The following BMPR1A variants were observed in gnomAD, a reference collection of about 807,000 sequenced individuals.
BMPR1A encodes bone morphogenetic protein receptor type-1A.
A neutral mutation model predicts 66.0 loss-of-function variants in BMPR1A; 7 were observed. That is an observed-to-expected ratio of 0.11 (90% CI 0.06 to 0.20). BMPR1A has a LOEUF of 0.20. Among genes scored for constraint, BMPR1A ranks in the 10% least tolerant of loss-of-function variants. The pLI is 1.00. For synonymous variants in BMPR1A, 200 were observed against 229.7 expected (o/e 0.87, Z 1.17); for missense variants, 408 against 669.1 (o/e 0.61, Z 4.31).
rs1405566388 is a variant in BMPR1A at position 86,896,432 on chromosome 10, GAC to G, written c.334-3360_334-3359del. On this transcript the variant is annotated intron_variant, in intron 5 of 12. Transcript: ENST00000372037. ...CTAGAATAATTTTCTAAGACTTAAA[GAC>G]ATACAGTTATAGGAAATAAAAGAAT... is the stretch of plus-strand genomic sequence containing the variant. Among the ~76,000 whole-genome samples the G allele has an allele frequency of 1.3e-5, 2 of 152,058 alleles. 1 individual carries two copies. Among genetic ancestry groups the G allele is most frequent in the Admixed American group, 1.3e-4 (2 of 15,270 alleles).
At chr10:86,779,539 C>T (rs997268016) in intron 1 of BMPR1A, among the ~76,000 whole-genome samples, 5 of 151,988 alleles carry the variant, frequency 3.3e-5, no homozygotes, top group African/African-American at 9.7e-5. Flanking sequence ...TGATAATAGC[C>T]GTTTTAACTG....
At chr10:86,885,063 T>G (rs780128020) in intron 3 of BMPR1A, among the ~76,000 whole-genome samples, 3 of 152,242 alleles carry the variant, frequency 2.0e-5, no homozygotes, top group Non-Finnish European at 2.9e-5. Flanking sequence ...TTCTTCTCCC[T>G]TTGATTTTCC....
chr10:86,829,780 C>T (rs1842243372), intron 1 of BMPR1A, among the ~76,000 whole-genome samples: 1 of 152,152 alleles, frequency 6.6e-6, no homozygotes, highest in East Asian at 1.9e-4. Context: ...AATAGGATTC[C>T]ATGGTTTGTT....
chr10:86,855,279 A>T, intron 2 of BMPR1A: 2 of 1,086,636 alleles, frequency 1.8e-6, no homozygotes, highest in Admixed American at 2.9e-5. Context: ...CAAAAACCTC[A>T]GTTTCTTCTG....
chr10:86,765,127 A>G lies in BMPR1A; in HGVS notation c.-268+8208A>G, dbSNP rs144831396. 6.6e-5 allele frequency among the ~76,000 whole-genome samples: 10 copies of G among 152,256 alleles called. No individual in the cohort carries two copies. In the East Asian group the frequency reaches 1.7e-3, roughly 26 times the overall value. On this transcript the variant is annotated intron_variant, in intron 1 of 12. Coordinates refer to ENST00000372037, the MANE Select transcript of BMPR1A (RefSeq NM_004329.3). ...TAGAAAGTTTAAAATTACACGTCAT[A>G]TTGGACAGTACTGCCTTTGACTTTC...
chr10:86,861,628 C>T (rs988239434), intron 2 of BMPR1A, among the ~76,000 whole-genome samples: 9 of 152,196 alleles, frequency 5.9e-5, no homozygotes, highest in African/African-American at 1.4e-4. Flanking sequence ...CTTGGTATAA[C>T]ATGTGGTACT....
Position 86,925,721 on chromosome 10 carries a change from CTTT to C in BMPR1A, c.*2017_*2019del, listed in dbSNP as rs11450437. On this transcript the variant is annotated 3_prime_UTR_variant, in exon 13 of 13. Coordinates refer to ENST00000372037, the MANE Select transcript of BMPR1A (RefSeq NM_004329.3). The stretch of plus-strand genomic sequence containing the variant: ...CATAATCTTTAAAATCATTTGTCAT[CTTT>C]TTTTTTTTTTTTTTGAGACGGAGTC... 5.3e-4 allele frequency: 62 copies of C among 117,012 alleles called. No homozygotes were observed. The highest frequency in any genetic ancestry group is 3.3e-3 in the Middle Eastern group (1 of 300). 7.2% of individuals were successfully genotyped at this position (117,012 alleles called of 1,614,324 possible). A position where few individuals can be genotyped will look rare whatever the true frequency, so the allele number is the denominator to read the frequency against.
At chr10:86,895,320 C>A (rs755871722) in intron 5 of BMPR1A, among the ~76,000 whole-genome samples, 5 of 151,160 alleles carry the variant, frequency 3.3e-5, no homozygotes, top group Non-Finnish European at 7.4e-5. Flanking sequence ...AGCAGATCAT[C>A]TGAGGTCAGG....
At position 86,925,311 on chromosome 10, in the gene BMPR1A, C is replaced by T. The variant is rs1397003277; in HGVS notation, c.*1592C>T. On this transcript the variant is annotated 3_prime_UTR_variant, in exon 13 of 13. Coordinates refer to ENST00000372037, the MANE Select transcript of BMPR1A (RefSeq NM_004329.3). The stretch of plus-strand genomic sequence containing the variant: ...GTGAGATAGTTTTATTTGATTATAA[C>T]ATAAAATAAATGTGATTATATCACA... 4.5e-6 allele frequency: 1 copy of T among 221,282 alleles called. No homozygotes were observed. The highest frequency in any genetic ancestry group is 2.2e-5 in the African/African-American group (1 of 44,708). 13.7% of individuals were successfully genotyped at this position (221,282 alleles called of 1,614,324 possible).
downstream of BMPR1A, chr10:86,929,964 C>A (rs1473803890): frequency 6.6e-6 from 1 of 152,228 alleles, no homozygotes; most frequent in Non-Finnish European, 1.5e-5. Flanking sequence ...GCATATTGAC[C>A]ATTTCTGACA....
intron 1 of BMPR1A, among the ~76,000 whole-genome samples, chr10:86,767,865 A>C (rs1841193227): frequency 1.3e-5 from 2 of 152,132 alleles, no homozygotes; most frequent in Admixed American, 1.3e-4. Context: ...GCTGGAGAGA[A>C]TTTGGCACCA....
At chr10:86,907,596 TAAAG>T (rs1313319488) in intron 7 of BMPR1A, among the ~76,000 whole-genome samples, 2 of 152,190 alleles carry the variant, frequency 1.3e-5, no homozygotes, top group African/African-American at 4.8e-5. Flanking sequence ...GGTGAATGGA[TAAAG>T]AAAATGTGGT....
chr10:86,897,744 C>T (rs1027469200), intron 5 of BMPR1A, among the ~76,000 whole-genome samples: 1 of 152,122 alleles, frequency 6.6e-6, no homozygotes, highest in South Asian at 2.1e-4. Flanking sequence ...GTAGCTGGGA[C>T]CACAGGCGTG....
At chr10:86,866,115 T>A (rs2133261813) in intron 2 of BMPR1A, among the ~76,000 whole-genome samples, 1 of 151,968 alleles carries the variant, frequency 6.6e-6, no homozygotes. Flanking sequence ...TTTCTCTAGT[T>A]CCCCAGTTGG....
intron 7 of BMPR1A, among the ~76,000 whole-genome samples, chr10:86,901,437 C>T (rs1843308980): frequency 6.6e-6 from 1 of 152,206 alleles, no homozygotes; most frequent in South Asian, 2.1e-4. Flanking sequence ...AACTTTACTT[C>T]CAGACATAAC....
At chr10:86,855,580 A>T in intron 2 of BMPR1A, 1 of 549,818 alleles carries the variant, frequency 1.8e-6, no homozygotes, top group Non-Finnish European at 3.3e-6. Flanking sequence ...AGTACTTTTC[A>T]AAAAAGTACT....
At chr10:86,814,883 T>C (rs1842013981) in intron 1 of BMPR1A, among the ~76,000 whole-genome samples, 1 of 152,190 alleles carries the variant, frequency 6.6e-6, no homozygotes, top group South Asian at 2.1e-4. Context: ...CCTCCTGAGT[T>C]CAGGCAATTC....
Position 86,919,441 on chromosome 10 carries a change from G to C in BMPR1A, c.1138G>C (p.Asp380His). 1 of 1,613,464 alleles carries C rather than the reference G, an allele frequency of 6.2e-7. No homozygotes were observed. The highest frequency in any genetic ancestry group is 8.5e-7 in the Non-Finnish European group (1 of 1,179,866). Residue 380 changes from aspartate (D) to histidine (H), a missense_variant, in exon 10 of 13, where the codon GAC becomes CAC. Around this residue, in one of 5 missense-constraint regions of BMPR1A, gnomAD observed 130 missense variants for 257.3 expected, o/e 0.51. Coordinates refer to ENST00000372037, the MANE Select transcript of BMPR1A (RefSeq NM_004329.3). ...IKKNGSCCIA[D>H]LGLAVKFNSD... is the part of the protein sequence containing the mutation. Reference sequence around the variant, plus strand: ...GAAAAATGGGAGTTGCTGCATTGCTGACCTGGGCCTTGCTGTTAAATTCAA... The same window carrying C: ...GAAAAATGGGAGTTGCTGCATTGCTCACCTGGGCCTTGCTGTTAAATTCAA...
intron 2 of BMPR1A, among the ~76,000 whole-genome samples, chr10:86,853,910 CATCTT>C (rs1263254664): frequency 6.6e-6 from 1 of 152,176 alleles, no homozygotes; most frequent in Non-Finnish European, 1.5e-5. Context: ...TCATTGATAA[CATCTT>C]ATCAGGAGAC....
Sources: gnomAD v4.1 joint callset for allele counts (sites outside exome capture counted in the v4.1 genomes callset) on GRCh38, gnomAD v4.1.1 for gene constraint, gnomAD v4.1.1 regional missense constraint, MANE v1.5 for transcripts, NCBI Gene and HGNC (gene_info 2026-07-23, HGNC 2026-07-21) for gene names.